PTPRD: variants seen among roughly 807,000 people sequenced by gnomAD.
The protein encoded by PTPRD is protein tyrosine phosphatase receptor type D, also known as receptor-type tyrosine-protein phosphatase delta.
A neutral mutation model predicts 214.5 loss-of-function variants in PTPRD; 34 were observed. The ratio of observed to expected loss-of-function variants is 0.16; its 90% CI spans 0.12 to 0.21. The LOEUF (loss-of-function observed/expected upper bound fraction) is 0.21, where lower values mean the gene tolerates loss of function less well. PTPRD is among the 10% of genes least tolerant of loss of function. The probability of loss-of-function intolerance (pLI) is 1.00; values close to 1 mark genes in which losing one functional copy is unlikely to be tolerated. For missense variants in PTPRD, 2,545 were observed against 2,398.7 expected (o/e 1.06, Z -1.27); for synonymous variants, 1,128 against 845.7 (o/e 1.33, Z -5.79).
At chr9:9,970,266 C>T (rs1421810278) in intron 4 of PTPRD, among the ~76,000 whole-genome samples, 3 of 151,542 alleles carry the variant, frequency 2.0e-5, no homozygotes, top group Admixed American at 6.6e-5. Flanking sequence ...CTGGCTAACA[C>T]GGTGAAACCC....
At chr9:9,292,331 C>T (rs995349193) in intron 9 of PTPRD, among the ~76,000 whole-genome samples, 3 of 151,346 alleles carry the variant, frequency 2.0e-5, no homozygotes, top group African/African-American at 7.3e-5. Flanking sequence ...TCATGGCCAA[C>T]TTTGTCACTT....
intron 7 of PTPRD, among the ~76,000 whole-genome samples, chr9:9,647,450 T>A (rs1458320042): frequency 1.3e-5 from 2 of 152,148 alleles, no homozygotes; most frequent in Non-Finnish European, 2.9e-5. Flanking sequence ...TATCTTTAGG[T>A]GTTATTTTAA....
At chr9:8,599,162 T>G (rs542086460) in intron 14 of PTPRD, among the ~76,000 whole-genome samples, 12 of 152,148 alleles carry the variant, frequency 7.9e-5, no homozygotes, top group Non-Finnish European at 1.6e-4. Flanking sequence ...TCTCTTGCAT[T>G]CCACCATGTA....
At chr9:9,141,508 T>C (rs1043274826) in intron 10 of PTPRD, among the ~76,000 whole-genome samples, 2 of 151,890 alleles carry the variant, frequency 1.3e-5, no homozygotes, top group African/African-American at 2.4e-5. Flanking sequence ...TTATTATTTT[T>C]CCACTACACT....
intron 25 of PTPRD, 69 bp downstream of exon 25, chr9:8,499,578 C>G (rs183040702): frequency 6.7e-7 from 1 of 1,493,190 alleles, no homozygotes; most frequent in Admixed American, 2.3e-5. Context: ...AAAATAAGAG[C>G]AATTTCAGGA....
At chr9:9,839,533 C>T (rs2057757890) in intron 5 of PTPRD, among the ~76,000 whole-genome samples, 1 of 152,028 alleles carries the variant, frequency 6.6e-6, no homozygotes, top group African/African-American at 2.4e-5. Context: ...CTACAAACCA[C>T]TGCTCAATGA....
intron 2 of PTPRD, among the ~76,000 whole-genome samples, chr9:10,482,232 G>T (rs1045974218): frequency 5.3e-5 from 8 of 151,758 alleles, no homozygotes; most frequent in Non-Finnish European, 7.4e-5. Context: ...TTAGCCGGGC[G>T]TGGTGGCGGG....
intron 14 of PTPRD, among the ~76,000 whole-genome samples, chr9:8,626,200 A>G (rs903411380): frequency 5.9e-5 from 9 of 152,028 alleles, no homozygotes; most frequent in African/African-American, 2.2e-4. Flanking sequence ...TTTATCAATG[A>G]AAGCCAACCA....
chr9:8,495,445 T>A lies in PTPRD; in HGVS notation c.2349+1797A>T, dbSNP rs543596693. Reference sequence around the variant, plus strand: ...ACTAAATTAGCAAAATAACTCTTTTTACCTGCTTTCCTATCTGCCACCTTT... The same window carrying A: ...ACTAAATTAGCAAAATAACTCTTTTAACCTGCTTTCCTATCTGCCACCTTT... On this transcript the variant is annotated intron_variant, in intron 26 of 45. Transcript: ENST00000381196. 2.0e-4 allele frequency among the ~76,000 whole-genome samples: 31 copies of A among 152,336 alleles called. No individual in the cohort carries two copies. In the East Asian group the frequency reaches 4.0e-3, roughly 20 times the overall value.
At chr9:9,192,977 C>T (rs1166593503) in intron 9 of PTPRD, among the ~76,000 whole-genome samples, 2 of 152,030 alleles carry the variant, frequency 1.3e-5, no homozygotes, top group Admixed American at 1.3e-4. Flanking sequence ...TTGAAAAGAG[C>T]TTGATTATTT....
chr9:8,996,227 A>C (rs183958284), intron 11 of PTPRD, among the ~76,000 whole-genome samples: 2 of 152,068 alleles, frequency 1.3e-5, no homozygotes, highest in East Asian at 1.9e-4. Flanking sequence ...AATTCCTTCA[A>C]CTGGTGAATG....
At chr9:8,897,955 G>C (rs2098633793) in intron 11 of PTPRD, among the ~76,000 whole-genome samples, 1 of 152,162 alleles carries the variant, frequency 6.6e-6, no homozygotes, top group Non-Finnish European at 1.5e-5. Flanking sequence ...TTTGTAAACT[G>C]TAAGATGCTA....
At chr9:10,031,693 G>C (rs1164131798) in intron 4 of PTPRD, among the ~76,000 whole-genome samples, 1 of 128,064 alleles carries the variant, frequency 7.8e-6, no homozygotes, top group Non-Finnish European at 1.6e-5. Flanking sequence ...TATCCTATTA[G>C]TTCTGTCCCT....
intron 3 of PTPRD, among the ~76,000 whole-genome samples, chr9:10,080,907 T>C (rs533513693): frequency 7.9e-5 from 12 of 152,228 alleles, no homozygotes; most frequent in African/African-American, 2.9e-4. Context: ...CAAATACATC[T>C]GATAATTAAA....
chr9:10,522,977 G>C (rs376576367), intron 2 of PTPRD, among the ~76,000 whole-genome samples: 9 of 151,964 alleles, frequency 5.9e-5, no homozygotes, highest in Admixed American at 1.3e-4. Flanking sequence ...TCATAAATAA[G>C]TATATAATAT....
At chr9:8,640,305 C>T (rs1295407851) in intron 12 of PTPRD, among the ~76,000 whole-genome samples, 2 of 151,944 alleles carry the variant, frequency 1.3e-5, no homozygotes, top group Admixed American at 6.6e-5. Context: ...GCCGAGATCA[C>T]GCCACTGCAC....
rs779920240 is a variant in PTPRD at position 8,449,808 on chromosome 9, C to T, written c.3905G>A (p.Ser1302Asn). The part of the protein sequence containing the change: ...RKRAESDSRK[S>N]SIPNNKEIPS... ...GATCTCCTTATTGTTCGGTATGCTG[C>T]TTTTTCTAGAGTCGGACTCTGCCCT... Residue 1302 changes from serine (S) to asparagine (N), a missense_variant, in exon 34 of 46, where the codon AGC becomes AAC. By Grantham distance (46) the Ser-to-Asn change is conservative (BLOSUM62 1). Coordinates refer to ENST00000381196, the MANE Select transcript of PTPRD (RefSeq NM_002839.4). 1.2e-6 allele frequency: 2 copies of T among 1,613,988 alleles called. No individual in the cohort carries two copies. Among genetic ancestry groups the T allele is most frequent in the Non-Finnish European group, 8.5e-7 (1 of 1,179,916 alleles).
At chr9:8,880,619 C>A (rs182372181) in intron 11 of PTPRD, among the ~76,000 whole-genome samples, 1 of 151,982 alleles carries the variant, frequency 6.6e-6, no homozygotes, top group Admixed American at 6.6e-5. Flanking sequence ...TATACTGCAC[C>A]TTTTTTTTCC....
intron 10 of PTPRD, among the ~76,000 whole-genome samples, chr9:9,105,130 C>A (rs2099796679): frequency 6.6e-6 from 1 of 152,100 alleles, no homozygotes. Flanking sequence ...GGATGAAAGA[C>A]ATCCTAATAA....
Sources: allele counts gnomAD v4.1 joint callset (sites outside exome capture counted in the v4.1 genomes callset), GRCh38; gene constraint gnomAD v4.1.1; transcripts MANE v1.5; gene names NCBI Gene and HGNC (gene_info 2026-07-23, HGNC 2026-07-21).